The following ATP11C variants were observed in gnomAD, a reference collection of about 807,000 sequenced individuals.
ATP11C encodes ATPase phospholipid transporting 11C (ATP11C blood group).
ATP11C carries 36 observed loss-of-function variants against 97.4 expected under a neutral mutation model. The ratio of observed to expected loss-of-function variants is 0.37; its 90% confidence interval spans 0.28 to 0.49. ATP11C has a LOEUF of 0.49. Among genes scored for constraint, ATP11C ranks in the 20% least tolerant of loss-of-function variants. ATP11C has a pLI of 0.98. For synonymous variants in ATP11C, 275 were observed against 290.9 expected (o/e 0.95, Z 0.56); for missense variants, 730 against 824.6 (o/e 0.89, Z 1.40).
intron 16 of ATP11C, among the ~76,000 whole-genome samples, chrX:139,783,638 T>C (rs1458300260): frequency 9.0e-6 from 1 of 111,580 alleles, no homozygotes; most frequent in African/African-American, 3.3e-5. Flanking sequence ...TGTGGGAGGC[T>C]GAAGTGGGAG....
At chrX:139,762,902 C>T (rs1380696079) in intron 21 of ATP11C, among the ~76,000 whole-genome samples, 1 of 111,580 alleles carries the variant, frequency 9.0e-6, no homozygotes, top group Non-Finnish European at 1.9e-5. Flanking sequence ...GAAAAACAGC[C>T]AACCAATTAT....
At chrX:139,930,894 C>T (rs1481770367) in intron 1 of ATP11C, among the ~76,000 whole-genome samples, 1 of 112,249 alleles carries the variant, frequency 8.9e-6, no homozygotes, top group African/African-American at 3.2e-5. Flanking sequence ...ATGTTAGCAA[C>T]GTTTTGATTA....
At chrX:139,844,574 G>A (rs1323670907) in intron 1 of ATP11C, among the ~76,000 whole-genome samples, 1 of 112,043 alleles carries the variant, frequency 8.9e-6, no homozygotes, top group Non-Finnish European at 1.9e-5. Flanking sequence ...CAAGAAGGGG[G>A]CCACAGATTT....
At chrX:139,754,162 G>C (rs1405616804) in intron 23 of ATP11C, among the ~76,000 whole-genome samples, 2 of 111,336 alleles carry the variant, frequency 1.8e-5, no homozygotes, top group African/African-American at 6.5e-5. Flanking sequence ...AGATACAACA[G>C]AAATACAAAA....
chrX:139,928,709 T>C (rs1366497824), intron 1 of ATP11C, among the ~76,000 whole-genome samples: 1 of 111,992 alleles, frequency 8.9e-6, no homozygotes, highest in East Asian at 2.8e-4. Context: ...ATATGCTACA[T>C]GCTTTATGAA....
chrX:139,756,647 A>T lies in ATP11C; in HGVS notation c.2700+1161T>A, dbSNP rs532106866. Reference sequence around the variant, plus strand: ...CATTAAATACTATGCAACCATAAAAAATAAGATCATGTCATTTGCAGCAAC... The same window carrying T: ...CATTAAATACTATGCAACCATAAAATATAAGATCATGTCATTTGCAGCAAC... On this transcript the variant is annotated intron_variant, in intron 23 of 29. Transcript: ENST00000682941. 1.7e-4 allele frequency among the ~76,000 whole-genome samples: 19 copies of T among 111,892 alleles called. 2 individuals carry two copies. In the South Asian group the frequency reaches 7.1e-3, roughly 42 times the overall value.
intron 1 of ATP11C, among the ~76,000 whole-genome samples, chrX:139,840,008 C>T (rs902875976): frequency 2.7e-5 from 3 of 111,615 alleles, no homozygotes; most frequent in African/African-American, 9.8e-5. Context: ...ATTAACCCTT[C>T]TCTGGTGACA....
At chrX:139,879,701 T>C (rs2084532433) in intron 1 of ATP11C, among the ~76,000 whole-genome samples, 1 of 112,033 alleles carries the variant, frequency 8.9e-6, no homozygotes, top group South Asian at 3.7e-4. Context: ...ATACAATCTT[T>C]GTCAATTAAA....
intron 18 of ATP11C, among the ~76,000 whole-genome samples, chrX:139,777,175 G>T (rs907453376): frequency 6.3e-5 from 7 of 110,646 alleles, no homozygotes; most frequent in Non-Finnish European, 1.1e-4. Context: ...AATAATACAG[G>T]CTAACCAGAA....
In ATP11C at chrX:139,797,160, G is replaced by A; in HGVS notation, c.1008+16C>T. The A allele has an allele frequency of 2.5e-6, 3 of 1,196,420 alleles. No individual in the cohort carries two copies. Among genetic ancestry groups the A allele is most frequent in the Non-Finnish European group, 3.4e-6 (3 of 890,047 alleles). On this transcript the variant is annotated intron_variant, in intron 11 of 29. Transcript: ENST00000682941. The stretch of plus-strand genomic sequence containing the variant: ...TCACAAAAAATAGTTTCAATTTTCA[G>A]CAGAAAACAAATTACCTTCAAGGTC...
intron 23 of ATP11C, among the ~76,000 whole-genome samples, chrX:139,754,646 C>T (rs1461382450): frequency 3.6e-5 from 4 of 112,237 alleles, no homozygotes; most frequent in African/African-American, 1.3e-4. Flanking sequence ...CAAAGCTAAT[C>T]CACCATGATC....
At chrX:139,903,453 T>G (rs1054585187) in intron 1 of ATP11C, among the ~76,000 whole-genome samples, 13 of 109,557 alleles carry the variant, frequency 1.2e-4, no homozygotes, top group Admixed American at 9.8e-4. Context: ...CAGGGTTCAG[T>G]AAGCTTCCAG....
chrX:139,798,147 C>CA (rs1394009460), intron 10 of ATP11C, 126 bp downstream of exon 10: 5 of 568,635 alleles, frequency 8.8e-6, no homozygotes, highest in Non-Finnish European at 1.4e-5. Flanking sequence ...GGTACATAAA[C>CA]AAGTGCTTAA....
At chrX:139,763,128 C>A (rs2082070064) in intron 21 of ATP11C, among the ~76,000 whole-genome samples, 188 bp downstream of exon 21, 3 of 112,314 alleles carry the variant, frequency 2.7e-5, no homozygotes, top group Admixed American at 1.9e-4. Context: ...ACATTTCTAC[C>A]ATGGGGTAGG....
chrX:139,758,083 T>C (rs2081972021), intron 22 of ATP11C, among the ~76,000 whole-genome samples: 1 of 111,925 alleles, frequency 8.9e-6, no homozygotes, highest in Non-Finnish European at 1.9e-5. Flanking sequence ...CAGAAGAGGA[T>C]CTTATTTACT....
chrX:139,790,338 G>A (rs763414714), intron 12 of ATP11C, among the ~76,000 whole-genome samples: 3 of 111,204 alleles, frequency 2.7e-5, no homozygotes, highest in African/African-American at 9.8e-5. Flanking sequence ...CAAAGTGTTG[G>A]GATTATAGGC....
chrX:139,916,720 G>T (rs761413033), intron 1 of ATP11C, among the ~76,000 whole-genome samples: 1 of 110,840 alleles, frequency 9.0e-6, no homozygotes. Context: ...CACAAAAAAT[G>T]AGGAAGGTTT....
chrX:139,816,687 G>A (rs1248229602), intron 4 of ATP11C, among the ~76,000 whole-genome samples, 176 bp downstream of exon 4: 1 of 111,892 alleles, frequency 8.9e-6, no homozygotes, highest in Non-Finnish European at 1.9e-5. Flanking sequence ...GAGGAAACAA[G>A]GAAATACATT....
intron 1 of ATP11C, among the ~76,000 whole-genome samples, chrX:139,869,091 C>G (rs60185983): frequency 0.05 from 5,634 of 112,020 alleles, 246 homozygotes; most frequent in East Asian, 0.29. Context: ...CATAGAATTA[C>G]CATACAATCC....
Sources: gnomAD v4.1 joint callset for allele counts (sites outside exome capture counted in the v4.1 genomes callset) on GRCh38, gnomAD v4.1.1 for gene constraint, MANE v1.5 for transcripts, NCBI Gene and HGNC (gene_info 2026-07-23, HGNC 2026-07-21) for gene names.